DIS3L: variants seen among roughly 807,000 people sequenced by gnomAD.
DIS3L encodes the protein DIS3-like exonuclease 1.
In DIS3L, 100 loss-of-function variants were observed where a neutral mutation model predicts 120.3. That is an observed-to-expected ratio of 0.83 (90% confidence interval 0.71 to 0.98). The LOEUF (loss-of-function observed/expected upper bound fraction) is 0.98, where lower values mean the gene tolerates loss of function less well. Ranked by LOEUF, DIS3L falls within the 50% of genes least tolerant of loss-of-function variation. DIS3L has a pLI of 0.00. For missense variants in DIS3L, 1,196 were observed against 1,314.2 expected, an observed-to-expected ratio of 0.91 and a Z score of 1.39; for synonymous variants, 426 against 470.6, an observed-to-expected ratio of 0.91 and a Z score of 1.23.
intron 2 of DIS3L, among the ~76,000 whole-genome samples, chr15:66,297,335 T>G (rs1452731898): frequency 6.6e-6 from 1 of 152,212 alleles, no homozygotes; most frequent in Non-Finnish European, 1.5e-5. Context: ...GGCTCATACT[T>G]ATAATCCCAG....
At chr15:66,323,775 C>G (rs1331417604) in intron 11 of DIS3L, among the ~76,000 whole-genome samples, 190 bp downstream of exon 11, 1 of 152,094 alleles carries the variant, frequency 6.6e-6, no homozygotes, top group African/African-American at 2.4e-5. Context: ...ATTTCTCTAG[C>G]CTTCCCTGCC....
intron 6 of DIS3L, chr15:66,314,830 T>C (rs779685156): frequency 3.2e-5 from 15 of 470,842 alleles, no homozygotes; most frequent in Non-Finnish European, 4.9e-5. Flanking sequence ...GGGTGGCACT[T>C]ATGAAATCTC....
chr15:66,308,023 T>C (rs935013201), intron 3 of DIS3L, among the ~76,000 whole-genome samples: 2 of 152,068 alleles, frequency 1.3e-5, no homozygotes, highest in South Asian at 4.2e-4. Context: ...AAGTTAAAAA[T>C]TAGCCAGGGA....
chr15:66,309,627 A>G (rs1345093001), intron 4 of DIS3L, among the ~76,000 whole-genome samples: 1 of 152,214 alleles, frequency 6.6e-6, no homozygotes, highest in Non-Finnish European at 1.5e-5. Context: ...AAACACAGAA[A>G]GGCTAAGTAA....
intron 9 of DIS3L, 81 bp from the exon 10 acceptor site, chr15:66,322,606 G>A: frequency 6.4e-7 from 1 of 1,565,168 alleles, no homozygotes. Flanking sequence ...TTTCTATGTG[G>A]TCATACTGAG....
chr15:66,305,000 T>C (rs1407336370), intron 2 of DIS3L, among the ~76,000 whole-genome samples: 1 of 94,752 alleles, frequency 1.1e-5, no homozygotes, highest in Non-Finnish European at 2.6e-5. Context: ...ATCGATTTCT[T>C]TTTTTTTTTT....
intron 15 of DIS3L, among the ~76,000 whole-genome samples, chr15:66,332,350 G>A (rs187914781): frequency 6.6e-6 from 1 of 151,976 alleles, no homozygotes; most frequent in Non-Finnish European, 1.5e-5. Flanking sequence ...CCAGCTACCT[G>A]GGAGGCTGAG....
At chr15:66,317,005 C>G (rs573705202) in intron 7 of DIS3L, among the ~76,000 whole-genome samples, 2 of 152,192 alleles carry the variant, frequency 1.3e-5, no homozygotes, top group Admixed American at 6.5e-5. Context: ...GCAGTGACAA[C>G]TTGTTCTTTC....
Position 66,326,057 on chromosome 15 carries a change from C to A in DIS3L, c.1894C>A (p.Leu632Met). 1 of 1,614,024 alleles carries A rather than the reference C, an allele frequency of 6.2e-7. No individual in the cohort carries two copies. The highest frequency in any genetic ancestry group is 8.5e-7 in the Non-Finnish European group (1 of 1,179,914). ...LEELVWAIGK[L>M]TDIARHVRAK... ...GGAGTTGGTGTGGGCAATTGGAAAG[C>A]TGACCGACATAGCTCGCCATGTCAG... The change falls in exon 12 of 17, where the codon CTG becomes ATG. Residue 632 changes from leucine (L) to methionine (M), a missense_variant. Leu to Met is a conservative substitution (Grantham distance 15, BLOSUM62 2). Coordinates refer to ENST00000319212, the MANE Select transcript of DIS3L (RefSeq NM_001143688.3).
At chr15:66,300,188 A>C (rs957389557) in intron 2 of DIS3L, among the ~76,000 whole-genome samples, 2 of 152,260 alleles carry the variant, frequency 1.3e-5, no homozygotes, top group Non-Finnish European at 2.9e-5. Flanking sequence ...GACTATCCAT[A>C]CAGGGGAATA....
rs1410721869 is a variant in DIS3L at position 66,329,311 on chromosome 15, CAA to C, written c.2450_2451del (p.Lys817ArgfsTer2). 1 of 1,613,712 alleles carries C rather than the reference CAA, an allele frequency of 6.2e-7. No homozygotes were observed. Among genetic ancestry groups the C allele is most frequent in the African/African-American group, 1.3e-5 (1 of 74,858 alleles). On this transcript the variant is annotated frameshift_variant, in exon 14 of 17. Transcript: ENST00000319212. LOFTEE classifies it high-confidence loss of function. ...CACCGCTTGTTAATGGCAGCCATTT[CAA>C]AAGATAAGAAAATGGAAATTAAGGG...
intron 4 of DIS3L, among the ~76,000 whole-genome samples, chr15:66,311,140 G>A (rs1034112087): frequency 1.3e-5 from 2 of 151,694 alleles, no homozygotes; most frequent in Non-Finnish European, 2.9e-5. Context: ...AGGGCAGGAG[G>A]ATCACTGAGC....
intron 2 of DIS3L, among the ~76,000 whole-genome samples, chr15:66,297,278 T>G (rs1332031069): frequency 6.6e-6 from 1 of 152,180 alleles, no homozygotes; most frequent in Non-Finnish European, 1.5e-5. Context: ...TTATTTGACT[T>G]TTTTTAATTG....
chr15:66,320,462 C>A, intron 8 of DIS3L, 109 bp from the exon 9 acceptor site: 2 of 1,228,952 alleles, frequency 1.6e-6, no homozygotes, highest in Non-Finnish European at 1.1e-6. Context: ...TTGCACCTGG[C>A]CACTCTCCTT....
chr15:66,296,966 G>T (rs898498767), intron 2 of DIS3L, among the ~76,000 whole-genome samples: 5 of 152,234 alleles, frequency 3.3e-5, no homozygotes, highest in African/African-American at 1.2e-4. Context: ...TAAACGTGGA[G>T]TGGAGCAATT....
At chr15:66,294,866 T>G in intron 1 of DIS3L, 122 bp from the exon 2 acceptor site, 1 of 1,063,960 alleles carries the variant, frequency 9.4e-7, no homozygotes, top group Middle Eastern at 3.2e-4. Flanking sequence ...GATTTGTCTT[T>G]TAAAAACTCC....
In DIS3L at chr15:66,323,560, T is replaced by C; in HGVS notation, c.1642T>C (p.Cys548Arg). The change falls in exon 11 of 17, where the codon TGT becomes CGT. Residue 548 changes from cysteine (C) to arginine (R), a missense_variant. Transcript: ENST00000319212. Reference sequence around the variant, plus strand: ...GCCTTCCGTCCTCAGTGCAGATTTGTGTTCCCTTCTGGGAGGCGTTGATAG... The same window carrying C: ...GCCTTCCGTCCTCAGTGCAGATTTGCGTTCCCTTCTGGGAGGCGTTGATAG... ...MLPSVLSADL[C>R]SLLGGVDRYA... The C allele has an allele frequency of 1.9e-6, 3 of 1,614,270 alleles. No individual in the cohort carries two copies. The highest frequency in any genetic ancestry group is 2.5e-6 in the Non-Finnish European group (3 of 1,180,048).
rs1368396454 is a variant in DIS3L, at chr15:66,311,820, G to A, written c.655G>A (p.Glu219Lys). The A allele has an allele frequency of 1.2e-6, 2 of 1,614,168 alleles. No homozygotes were observed. The highest frequency in any genetic ancestry group is 1.7e-5 in the Admixed American group (1 of 60,020). The part of the protein sequence containing the change: ...SRRERENESQ[E>K]SHGKEYPEHL... ...ACGGGAGAGAGAGAATGAGAGTCAG[G>A]AGAGCCATGGGAAGGAGTACCCAGA... The change falls in exon 5 of 17, where the codon GAG (glutamate) becomes AAG (lysine). Residue 219 changes from glutamate to lysine, a missense_variant. Transcript: ENST00000319212.
At position 66,321,724 on chromosome 15, in the gene DIS3L, C is replaced by T. The variant is rs182433222; in HGVS notation, c.1327-963C>T. Among the ~76,000 whole-genome samples the T allele has an allele frequency of 6.6e-3, 993 of 151,300 alleles. 5 individuals are homozygous for T. Among genetic ancestry groups the T allele is most frequent in the Non-Finnish European group, 0.01 (688 of 67,924 alleles). ...GAGGTTGCAGTGAGCCGAGATCGCA[C>T]CGCTGCACTCCAGCCTGGGTGACAG... On this transcript the variant is annotated intron_variant, in intron 9 of 16. Transcript: ENST00000319212.
Sources: allele counts gnomAD v4.1 joint callset (sites outside exome capture counted in the v4.1 genomes callset), GRCh38; gene constraint gnomAD v4.1.1; transcripts MANE v1.5; gene names NCBI Gene and HGNC (gene_info 2026-07-23, HGNC 2026-07-21).